INO80C: variants seen among roughly 807,000 people sequenced by gnomAD.
INO80C encodes the protein INO80 complex subunit C.
In INO80C, 17 loss-of-function variants were observed where a neutral mutation model predicts 17.7. The observed-to-expected ratio is 0.96, with a 90% confidence interval of 0.66 to 1.44. The LOEUF (loss-of-function observed/expected upper bound fraction) is 1.44, where lower values mean the gene tolerates loss of function less well. Ranked by LOEUF, INO80C falls within the 40% of genes most tolerant of loss-of-function variation. The probability of loss-of-function intolerance (pLI) is 0.00; values close to 1 mark genes in which losing one functional copy is unlikely to be tolerated. For synonymous variants in INO80C, 96 were observed against 95.8 expected, an observed-to-expected ratio of 1.00 and a Z score of -0.01; for missense variants, 244 against 245.0, an observed-to-expected ratio of 1.00 and a Z score of 0.03.
Position 35,497,722 on chromosome 18 carries a change from C to A in INO80C, c.153G>T (p.Ala51=), listed in dbSNP as rs1186258097. The change falls in exon 1 of 5, where the codon GCG becomes GCT. Residue 51 remains alanine, a synonymous_variant. Coordinates refer to ENST00000334598, the MANE Select transcript of INO80C (RefSeq NM_194281.4). The part of the protein sequence containing the change: ...KKKKASASSF[A]QGISMEAMSE... ...GCCTGGGAGCGCGACTGCGTACCTG[C>A]GCAAAGCTGGAAGCGGACGCTTTTT... The A allele has an allele frequency of 3.1e-6, 5 of 1,611,674 alleles. No homozygotes were observed. Among genetic ancestry groups the A allele is most frequent in the Non-Finnish European group, 3.4e-6 (4 of 1,179,270 alleles).
intron 1 of INO80C, among the ~76,000 whole-genome samples, chr18:35,496,495 T>C (rs777494199): frequency 1.4e-4 from 21 of 152,240 alleles, no homozygotes; most frequent in Non-Finnish European, 2.9e-5. Context: ...TTAGAAATGC[T>C]ATCTTGATCC....
chr18:35,470,591 G>A (rs1290987153), intron 4 of INO80C, among the ~76,000 whole-genome samples: 4 of 152,154 alleles, frequency 2.6e-5, no homozygotes, highest in South Asian at 4.1e-4. Context: ...AACCAGCCTC[G>A]GCTGAGCTCC....
Position 35,497,776 on chromosome 18 carries a change from G to C in INO80C, c.99C>G (p.Ser33Arg), listed in dbSNP as rs536340997. The C allele has an allele frequency of 6.2e-7, 1 of 1,612,768 alleles. No individual in the cohort carries two copies. The highest frequency in any genetic ancestry group is 8.5e-7 in the Non-Finnish European group (1 of 1,179,478). Residue 33 changes from serine (S) to arginine (R), a missense_variant, in exon 1 of 5, where the codon AGC (serine) becomes AGG (arginine). Ser to Arg is a moderately radical substitution (Grantham distance 110). Transcript: ENST00000334598. ...RPASPSHNGSSGGGYGASKKK... is the reference protein window; with the variant it reads ...RPASPSHNGSRGGGYGASKKK... ...TCTTACTGGCGCCATAGCCCCCGCC[G>C]CTGCTGCCATTGTGGGAAGGGCTGG...
chr18:35,497,933 T>G lies in INO80C; in HGVS notation c.-59A>C, dbSNP rs2046003282. ...TTTTCCCAGCGCGGGCCTTGGAACT[T>G]CCTTTCCGCTGTTACTTCCGTCTTG... On this transcript the variant is annotated 5_prime_UTR_variant, in exon 1 of 5. Transcript: ENST00000334598. The G allele has an allele frequency of 6.9e-7, 1 of 1,458,962 alleles. No homozygotes were observed. The highest frequency in any genetic ancestry group is 9.1e-7 in the Non-Finnish European group (1 of 1,100,736). 90.4% of individuals were successfully genotyped at this position (1,458,962 alleles called of 1,614,324 possible). A position where few individuals can be genotyped will look rare whatever the true frequency, so the allele number is the denominator to read the frequency against.
At chr18:35,470,664 C>A (rs1003348739) in intron 4 of INO80C, among the ~76,000 whole-genome samples, 1 of 152,186 alleles carries the variant, frequency 6.6e-6, no homozygotes, top group Non-Finnish European at 1.5e-5. Context: ...CAAGTTCAGA[C>A]CTCACTGCCA....
At chr18:35,491,854 C>G (rs17738210) in intron 1 of INO80C, among the ~76,000 whole-genome samples, 1 of 152,154 alleles carries the variant, frequency 6.6e-6, no homozygotes, top group Non-Finnish European at 1.5e-5. Flanking sequence ...GAGGAAGGAA[C>G]GCCTAGCACT....
At chr18:35,473,025 T>A (rs1334557063) in intron 4 of INO80C, among the ~76,000 whole-genome samples, 1 of 152,164 alleles carries the variant, frequency 6.6e-6, no homozygotes, top group Non-Finnish European at 1.5e-5. Context: ...GCCAATGTCA[T>A]AAAGGGGCCT....
At chr18:35,477,602 CAAAAA>C (rs918248696) in intron 4 of INO80C, among the ~76,000 whole-genome samples, 3 of 151,498 alleles carry the variant, frequency 2.0e-5, no homozygotes, top group African/African-American at 4.9e-5. Flanking sequence ...CAAAACAAAA[CAAAAA>C]AAGATGAATC....
At chr18:35,490,167 G>A (rs909739137) in intron 1 of INO80C, among the ~76,000 whole-genome samples, 1 of 152,060 alleles carries the variant, frequency 6.6e-6, no homozygotes, top group Non-Finnish European at 1.5e-5. Context: ...AAAGGCAAAG[G>A]AGAAAGCCCA....
Position 35,468,491 on chromosome 18 carries a change from C to A in INO80C, c.*120G>T. 2.0e-6 allele frequency: 3 copies of A among 1,509,648 alleles called. No homozygotes were observed. The highest frequency in any genetic ancestry group is 1.8e-6 in the Non-Finnish European group (2 of 1,131,526). The allele number at this position is 1,509,648 out of a possible 1,614,324, so 93.5% of individuals were successfully genotyped here. ...TTAAATTAAAGCCAAACATTCTTTC[C>A]AAGGCACAGCACTGGCATTTTCAGA... On this transcript the variant is annotated 3_prime_UTR_variant, in exon 5 of 5. Transcript: ENST00000334598.
chr18:35,471,477 T>C (rs1323833020), intron 4 of INO80C, among the ~76,000 whole-genome samples: 5 of 152,250 alleles, frequency 3.3e-5, no homozygotes, highest in Non-Finnish European at 5.9e-5. Flanking sequence ...GTTGTTACTA[T>C]GCATTGAGCT....
intron 4 of INO80C, among the ~76,000 whole-genome samples, chr18:35,471,925 C>T (rs986049200): frequency 1.7e-4 from 26 of 152,176 alleles, no homozygotes; most frequent in African/African-American, 6.3e-4. Context: ...CTACAAAGGA[C>T]ATGAACTCAT....
At chr18:35,493,081 C>CT (rs2045947802) in intron 1 of INO80C, among the ~76,000 whole-genome samples, 2 of 152,178 alleles carry the variant, frequency 1.3e-5, no homozygotes, top group Non-Finnish European at 2.9e-5. Flanking sequence ...GACACTAACA[C>CT]TGTGTGAGCT....
intron 1 of INO80C, among the ~76,000 whole-genome samples, chr18:35,487,152 C>T (rs550222527): frequency 6.6e-6 from 1 of 152,168 alleles, no homozygotes; most frequent in Non-Finnish European, 1.5e-5. Flanking sequence ...TCAAGTGCCA[C>T]AACAGGATGC....
intron 2 of INO80C, 23 bp downstream of exon 2, chr18:35,480,430 C>T: frequency 6.6e-7 from 1 of 1,509,344 alleles, no homozygotes; most frequent in Non-Finnish European, 9.2e-7. Flanking sequence ...GATGTTTATT[C>T]AGCTAATACC....
intron 1 of INO80C, chr18:35,489,450 C>A (rs565315528): frequency 1.1e-4 from 19 of 179,026 alleles, no homozygotes; most frequent in Non-Finnish European, 2.0e-4. Context: ...ATTACAAAAC[C>A]ATCAGATGTT....
At chr18:35,488,904 C>T (rs1387816043) in intron 1 of INO80C, among the ~76,000 whole-genome samples, 2 of 152,180 alleles carry the variant, frequency 1.3e-5, no homozygotes, top group Non-Finnish European at 2.9e-5. Context: ...AAATCATCTC[C>T]CTCAAGTTCA....
chr18:35,468,985 T>C (rs1009114431), intron 4 of INO80C, among the ~76,000 whole-genome samples: 2 of 152,178 alleles, frequency 1.3e-5, no homozygotes, highest in African/African-American at 2.4e-5. Context: ...TCTGGGACTC[T>C]TCTTGTTGGT....
intron 1 of INO80C, 135 bp downstream of exon 1, chr18:35,497,584 C>T: frequency 1.4e-6 from 2 of 1,427,446 alleles, no homozygotes; most frequent in South Asian, 1.5e-5. Context: ...ATTCACTCCG[C>T]GGGGCAGCGT....
Sources: gnomAD v4.1 joint callset for allele counts (sites outside exome capture counted in the v4.1 genomes callset) on GRCh38, gnomAD v4.1.1 for gene constraint, MANE v1.5 for transcripts, NCBI Gene and HGNC (gene_info 2026-07-23, HGNC 2026-07-21) for gene names.